ADGRB3: variants seen among roughly 807,000 people sequenced by gnomAD.
The protein encoded by ADGRB3 is brain-specific angiogenesis inhibitor 3.
Under a neutral mutation model 193.4 loss-of-function variants are expected in ADGRB3, and 37 were observed. The observed-to-expected ratio is 0.19, with a 90% CI of 0.15 to 0.25. The LOEUF is 0.25. ADGRB3 is among the 10% of genes least tolerant of loss of function. The probability of loss-of-function intolerance (pLI) is 1.00; values close to 1 mark genes in which losing one functional copy is unlikely to be tolerated. For missense variants in ADGRB3, 1,637 were observed against 1,852.9 expected (o/e 0.88, Z 2.14); for synonymous variants, 690 against 644.2 (o/e 1.07, Z -1.08).
rs538162317 is a variant in ADGRB3, at chr6:68,781,553, C to G, written c.757+142121C>G. 3.7e-4 allele frequency among the ~76,000 whole-genome samples: 57 copies of G among 152,090 alleles called. No homozygotes were observed. The South Asian group carries it at 0.011, about 30-fold the overall frequency. Reference sequence around the variant, plus strand: ...GGCTCCTAAGAGTAAAGGTCTCATTCATTCATTTAAAAAACTGGATTCAGC... The same window carrying G: ...GGCTCCTAAGAGTAAAGGTCTCATTGATTCATTTAAAAAACTGGATTCAGC... On this transcript the variant is annotated intron_variant, in intron 3 of 31. Transcript: ENST00000370598.
rs190544359 is a variant in ADGRB3 at position 68,706,234 on chromosome 6, A to G, written c.757+66802A>G. 3.3e-5 allele frequency among the ~76,000 whole-genome samples: 5 copies of G among 152,272 alleles called. No individual in the cohort carries two copies. In the East Asian group the frequency reaches 9.7e-4, roughly 29 times the overall value. On this transcript the variant is annotated intron_variant, in intron 3 of 31. Coordinates refer to ENST00000370598, the MANE Select transcript of ADGRB3 (RefSeq NM_001704.3). Reference sequence around the variant, plus strand: ...GAGCAAAGAGAAGAAGGAACATTATAGGGTCTGGGACTTAGAGGAAAGCAG... The same window carrying G: ...GAGCAAAGAGAAGAAGGAACATTATGGGGTCTGGGACTTAGAGGAAAGCAG...
intron 3 of ADGRB3, among the ~76,000 whole-genome samples, chr6:68,875,107 T>TCCC (rs1313160942): frequency 3.4e-5 from 4 of 116,198 alleles, no homozygotes; most frequent in Admixed American, 9.6e-5. Flanking sequence ...CCTTCCTTCC[T>TCCC]TCCTTCCTTT....
intron 3 of ADGRB3, among the ~76,000 whole-genome samples, chr6:68,778,961 G>A (rs1766801610): frequency 1.3e-5 from 2 of 151,960 alleles, no homozygotes; most frequent in African/African-American, 2.4e-5. Flanking sequence ...TAAGCCAATG[G>A]TAATGCAGCA....
Position 68,930,619 on chromosome 6 carries a change from A to G in ADGRB3, c.818A>G (p.Lys273Arg). 2 of 1,612,918 alleles carry G rather than the reference A, an allele frequency of 1.2e-6. No homozygotes were observed. Among genetic ancestry groups the G allele is most frequent in the Admixed American group, 1.7e-5 (1 of 59,848 alleles). Residue 273 changes from lysine (K) to arginine (R), a missense_variant, in exon 4 of 32, where the codon AAA becomes AGA. Transcript: ENST00000370598. ...CAGCGACCTCGATCTGTTCATGAAA[A>G]AAGGGTCCCTCAGGAACAAGCTGAT... ...KSQRPRSVHEKRVPQEQADAA... is the reference protein window; with the variant it reads ...KSQRPRSVHERRVPQEQADAA...
At position 68,993,845 on chromosome 6, in the gene ADGRB3, T is replaced by C; in HGVS notation, c.1812T>C (p.Asp604=). Residue 604 remains aspartate (D), a synonymous_variant, in exon 11 of 32, where the codon GAT becomes GAC. Transcript: ENST00000370598. ...CCCAGGTGACCAAGACACTGTTGGA[T>C]TTAACTCAGAGAAAAAATTTCTATG... is the stretch of plus-strand genomic sequence containing the variant. ...GMSQVTKTLL[D]LTQRKNFYAG... is the part of the protein sequence containing the mutation. 1 of 1,614,016 alleles carries C rather than the reference T, an allele frequency of 6.2e-7. No homozygotes were observed.
At chr6:68,944,814 T>C (rs1767733726) in intron 6 of ADGRB3, among the ~76,000 whole-genome samples, 1 of 152,144 alleles carries the variant, frequency 6.6e-6, no homozygotes, top group Admixed American at 6.6e-5. Flanking sequence ...CAAAGACACA[T>C]TTTAAAGAAA....
chr6:68,639,946 G>C (rs1357606809), intron 3 of ADGRB3, among the ~76,000 whole-genome samples: 1 of 152,126 alleles, frequency 6.6e-6, no homozygotes, highest in East Asian at 1.9e-4. Context: ...AAACTTAATA[G>C]TTTGCCTGTT....
At chr6:68,729,491 A>T (rs567972774) in intron 3 of ADGRB3, among the ~76,000 whole-genome samples, 54 of 151,726 alleles carry the variant, frequency 3.6e-4, no homozygotes, top group African/African-American at 1.3e-3. Flanking sequence ...GACGAGTCAG[A>T]ATGATCAGTA....
At chr6:69,144,876 GTTCTTTCTTTCTTTCT>G (rs1274168235) in intron 17 of ADGRB3, among the ~76,000 whole-genome samples, 4 of 139,336 alleles carry the variant, frequency 2.9e-5, no homozygotes, top group Admixed American at 7.4e-5. Flanking sequence ...TTGTTTGAGT[GTTCTTTCTTTCTTTCT>G]TTCTTTCTTT....
At chr6:69,019,053 C>T (rs1027592008) in intron 13 of ADGRB3, among the ~76,000 whole-genome samples, 1 of 151,974 alleles carries the variant, frequency 6.6e-6, no homozygotes, top group African/African-American at 2.4e-5. Flanking sequence ...CACAGTGGAT[C>T]TCTCAGGTCC....
chr6:69,246,225 G>T (rs909568378), intron 20 of ADGRB3, among the ~76,000 whole-genome samples: 3 of 152,106 alleles, frequency 2.0e-5, no homozygotes, highest in Admixed American at 6.6e-5. Context: ...GACATATCCT[G>T]CCAATAGTGT....
At chr6:69,067,469 A>G (rs3799024) in intron 16 of ADGRB3, among the ~76,000 whole-genome samples, 2 of 151,982 alleles carry the variant, frequency 1.3e-5, no homozygotes, top group Non-Finnish European at 2.9e-5. Context: ...TTAGATAAGC[A>G]TGAGAAACAA....
At chr6:69,154,373 A>G (rs1774771542) in intron 17 of ADGRB3, among the ~76,000 whole-genome samples, 2 of 152,198 alleles carry the variant, frequency 1.3e-5, no homozygotes, top group African/African-American at 2.4e-5. Flanking sequence ...GATAGAGTGC[A>G]GATTTCTCAG....
rs1283511375 is a variant in ADGRB3 at position 68,692,450 on chromosome 6, C to A, written c.757+53018C>A. Among the ~76,000 whole-genome samples the A allele has an allele frequency of 2.6e-5, 4 of 151,834 alleles. No individual in the cohort carries two copies. The South Asian group carries it at 8.3e-4, about 31-fold the overall frequency. On this transcript the variant is annotated intron_variant, in intron 3 of 31. Coordinates refer to ENST00000370598, the MANE Select transcript of ADGRB3 (RefSeq NM_001704.3). ...GCTCAAAGTATATTTACTCTTTGAT[C>A]TTGAACTCTTCCTTTTTATAATTTT...
intron 5 of ADGRB3, among the ~76,000 whole-genome samples, chr6:68,938,776 C>T (rs1582330944): frequency 6.6e-6 from 1 of 152,044 alleles, no homozygotes; most frequent in African/African-American, 2.4e-5. Flanking sequence ...TAAAACTGTT[C>T]CCTACTTACA....
intron 31 of ADGRB3, among the ~76,000 whole-genome samples, chr6:69,386,962 A>C (rs536463493): frequency 7.8e-4 from 119 of 152,164 alleles, no homozygotes; most frequent in African/African-American, 2.8e-3. Context: ...CTATATATTG[A>C]GTGTTTATTA....
intron 20 of ADGRB3, among the ~76,000 whole-genome samples, chr6:69,318,651 G>T (rs536809557): frequency 9.9e-5 from 15 of 151,334 alleles, no homozygotes; most frequent in African/African-American, 3.6e-4. Flanking sequence ...ACATTTGTTA[G>T]AATTTGCCTG....
chr6:68,892,566 T>TG (rs1766108085), intron 3 of ADGRB3, among the ~76,000 whole-genome samples: 1 of 152,170 alleles, frequency 6.6e-6, no homozygotes, highest in Admixed American at 6.6e-5. Flanking sequence ...TTATTTTCCT[T>TG]GGCCTCCACC....
intron 3 of ADGRB3, among the ~76,000 whole-genome samples, chr6:68,768,633 A>G (rs1416098470): frequency 6.6e-6 from 1 of 152,218 alleles, no homozygotes; most frequent in Non-Finnish European, 1.5e-5. Context: ...AGGCATGGGC[A>G]AAGGCTTCAC....
Sources: gnomAD v4.1 joint callset for allele counts (sites outside exome capture counted in the v4.1 genomes callset) on GRCh38, gnomAD v4.1.1 for gene constraint, MANE v1.5 for transcripts, NCBI Gene and HGNC (gene_info 2026-07-23, HGNC 2026-07-21) for gene names.